The following ZNF426 variants were observed in gnomAD, a reference collection of about 807,000 sequenced individuals.
The protein encoded by ZNF426 is zinc finger protein 426.
Under a neutral mutation model 24.0 loss-of-function variants are expected in ZNF426, and 23 were observed. The observed-to-expected ratio is 0.96, with a 90% CI of 0.69 to 1.36. The LOEUF (loss-of-function observed/expected upper bound fraction) is 1.36, where lower values mean the gene tolerates loss of function less well. ZNF426 is among the 40% of genes most tolerant of loss of function. The pLI is 0.00. For missense variants in ZNF426, 646 were observed against 658.4 expected (o/e 0.98, Z 0.21); for synonymous variants, 272 against 224.6 (o/e 1.21, Z -1.89).
intron 4 of ZNF426, 143 bp downstream of exon 4, chr19:9,535,045 C>T (rs1407739580): frequency 4.9e-6 from 3 of 609,936 alleles, no homozygotes; most frequent in Non-Finnish European, 8.4e-6. Flanking sequence ...TAGCACTGCA[C>T]TCCAGCCTGG....
rs1490426432 is a variant in ZNF426 at position 9,524,753 on chromosome 19, C to A, written c.*3627G>T. The A allele has an allele frequency of 2.2e-5, 3 of 136,470 alleles. No individual in the cohort carries two copies. The highest frequency in any genetic ancestry group is 8.2e-5 in the African/African-American group (3 of 36,758). The allele number at this position is 136,470 out of a possible 1,614,324, so 8.5% of individuals were successfully genotyped here. A position where few individuals can be genotyped will look rare whatever the true frequency, so the allele number is the denominator to read the frequency against. On this transcript the variant is annotated 3_prime_UTR_variant, in exon 8 of 8. Transcript: ENST00000253115. ...CCAAGATTGAGCCATTGCACTCCAG[C>A]CTGGGCAACAAGAGCAAAACTCTGC... is the stretch of plus-strand genomic sequence containing the variant.
chr19:9,529,593 C>A lies in ZNF426; in HGVS notation c.452G>T (p.Cys151Phe). The part of the protein sequence containing the change: ...NGRELCDCEQ[C>F]GEVFSEHSCL... The stretch of plus-strand genomic sequence containing the variant: ...TGAGTGTTCACTGAAGACTTCTCCA[C>A]ATTGCTCACAGTCACAGAGTTCCCT... The change falls in exon 8 of 8, where the codon TGT becomes TTT. Residue 151 changes from cysteine to phenylalanine, a missense_variant. Transcript: ENST00000253115. 4 of 1,605,088 alleles carry A rather than the reference C, an allele frequency of 2.5e-6. No homozygotes were observed. Among genetic ancestry groups the A allele is most frequent in the Non-Finnish European group, 3.4e-6 (4 of 1,179,428 alleles).
At chr19:9,537,236 G>GA (rs1365452764) in intron 2 of ZNF426, among the ~76,000 whole-genome samples, 4 of 152,004 alleles carry the variant, frequency 2.6e-5, no homozygotes, top group African/African-American at 9.7e-5. Flanking sequence ...GATAAACAGT[G>GA]AAAGTTCCGC....
rs1004989531 is a variant in ZNF426, at chr19:9,529,695, C to A, written c.409-59G>T. 73 of 1,462,942 alleles carry A rather than the reference C, an allele frequency of 5.0e-5. No homozygotes were observed. The Middle Eastern group carries it at 5.4e-4, about 11-fold the overall frequency. The allele number at this position is 1,462,942 out of a possible 1,614,324, so 90.6% of individuals were successfully genotyped here. A position where few individuals can be genotyped will look rare whatever the true frequency, so the allele number is the denominator to read the frequency against. ...TCTCAAACATATTAACAGAACATAC[C>A]CATCTGAAGCTAGAAACATTATAAT... is the stretch of plus-strand genomic sequence containing the variant. On this transcript the variant is annotated intron_variant, in intron 7 of 7. Transcript: ENST00000253115.
At chr19:9,530,543 C>T (rs1174512644) in intron 7 of ZNF426, among the ~76,000 whole-genome samples, 1 of 151,960 alleles carries the variant, frequency 6.6e-6, no homozygotes, top group Admixed American at 6.6e-5. Context: ...CAGAGGATCA[C>T]TTGAGCACAG....
Position 9,533,877 on chromosome 19 carries a change from G to A in ZNF426, c.207C>T (p.Asp69=), listed in dbSNP as rs760461524. ...GGTTCTTGTAGTTCTCCAGCATCAC[G>A]TCACTGTAGAGGCTTCTCTGAGTTG... ...LDSTQRSLYS[D]VMLENYKNLA... Residue 69 remains aspartate, a synonymous_variant, in exon 5 of 8, where the codon GAC becomes GAT. Transcript: ENST00000253115. 9.2e-5 allele frequency: 148 copies of A among 1,613,958 alleles called. No individual in the cohort carries two copies. In the East Asian group the frequency reaches 1.4e-3, roughly 15 times the overall value.
rs1409793686 is a variant in ZNF426, at chr19:9,525,243, C to T, written c.*3137G>A. 5 of 137,030 alleles carry T rather than the reference C, an allele frequency of 3.6e-5. No individual in the cohort carries two copies. The highest frequency in any genetic ancestry group is 1.1e-4 in the African/African-American group (4 of 35,698). The allele number at this position is 137,030 out of a possible 1,614,324, so 8.5% of individuals were successfully genotyped here. A position where few individuals can be genotyped will look rare whatever the true frequency, so the allele number is the denominator to read the frequency against. On this transcript the variant is annotated 3_prime_UTR_variant, in exon 8 of 8. Coordinates refer to ENST00000253115, the MANE Select transcript of ZNF426 (RefSeq NM_024106.3). ...CAGCCTGGGCGACAGAGCGAGACTC[C>T]GTCTCAAAAAAAATAAAAATAAAAA...
At chr19:9,536,124 T>C (rs768597555) in intron 3 of ZNF426, 84 bp downstream of exon 3, 43 of 1,580,190 alleles carry the variant, frequency 2.7e-5, no homozygotes, top group Non-Finnish European at 3.6e-5. Context: ...ATCAGCAACA[T>C]GACCAGCTGC....
intron 7 of ZNF426, among the ~76,000 whole-genome samples, chr19:9,530,492 G>A (rs2073866889): frequency 6.6e-6 from 1 of 151,306 alleles, no homozygotes; most frequent in Admixed American, 6.6e-5. Context: ...GCCAGATGTG[G>A]TGGCTCATGC....
chr19:9,534,046 A>G, intron 4 of ZNF426, 80 bp from the exon 5 acceptor site: 1 of 1,561,550 alleles, frequency 6.4e-7, no homozygotes, highest in Non-Finnish European at 8.6e-7. Flanking sequence ...AGGGGGACCC[A>G]ATGCCTATGC....
intron 6 of ZNF426, among the ~76,000 whole-genome samples, chr19:9,531,640 G>C (rs2073885286): frequency 6.6e-6 from 1 of 152,106 alleles, no homozygotes; most frequent in East Asian, 1.9e-4. Flanking sequence ...AGTGAATAGA[G>C]AGAATCAGGG....
chr19:9,535,425 C>A (rs1472874359), intron 3 of ZNF426, 146 bp from the exon 4 acceptor site: 1 of 571,018 alleles, frequency 1.8e-6, no homozygotes, highest in African/African-American at 1.9e-5. Flanking sequence ...CAGTGGCTCA[C>A]ATCTGTAATC....
At chr19:9,535,147 G>C in intron 4 of ZNF426, 41 bp downstream of exon 4, 1 of 1,466,374 alleles carries the variant, frequency 6.8e-7, no homozygotes, top group Non-Finnish European at 9.4e-7. Flanking sequence ...CCTGGTGGAT[G>C]CAAGTATGTC....
Position 9,528,633 on chromosome 19 carries a change from G to T in ZNF426, c.1412C>A (p.Thr471Asn). 1 of 1,614,086 alleles carries T rather than the reference G, an allele frequency of 6.2e-7. No homozygotes were observed. The highest frequency in any genetic ancestry group is 8.5e-7 in the Non-Finnish European group (1 of 1,180,010). The change falls in exon 8 of 8, where the codon ACT becomes AAT. Residue 471 changes from threonine to asparagine, a missense_variant. By Grantham distance (65) the Thr-to-Asn change is moderately conservative (BLOSUM62 0). Transcript: ENST00000253115. ...TTTACACTCATAGGGTTTTTCTCCAGTGTGGATTCGCATGTGAATTTTAAG... is the reference window on the plus strand; with the variant it reads ...TTTACACTCATAGGGTTTTTCTCCATTGTGGATTCGCATGTGAATTTTAAG... ...THLKIHMRIH[T>N]GEKPYECKQC...
Position 9,527,870 on chromosome 19 carries a change from T to G in ZNF426, c.*510A>C, listed in dbSNP as rs2073813505. ...CTTTGGCTTGCAGATGGCCATCATC[T>G]GATGACTTCACATCATCTTCTATTT... is the stretch of plus-strand genomic sequence containing the variant. On this transcript the variant is annotated 3_prime_UTR_variant, in exon 8 of 8. Coordinates refer to ENST00000253115, the MANE Select transcript of ZNF426 (RefSeq NM_024106.3). 6.5e-6 allele frequency: 1 copy of G among 152,922 alleles called. No individual in the cohort carries two copies. The highest frequency in any genetic ancestry group is 1.5e-5 in the Non-Finnish European group (1 of 68,556). The allele number at this position is 152,922 out of a possible 1,614,324, so 9.5% of individuals were successfully genotyped here.
rs2073825461 is a variant in ZNF426 at position 9,528,501 on chromosome 19, C to CA, written c.1543dup (p.Cys515LeufsTer6). The CA allele has an allele frequency of 6.2e-7, 1 of 1,613,960 alleles. No homozygotes were observed. The highest frequency in any genetic ancestry group is 1.3e-5 in the African/African-American group (1 of 74,886). ...TTCATGAATTCTAAAGGAACTGGAA[C>CA]ACGTGAAGGCTTTCCCACACTCCTT... On this transcript the variant is annotated frameshift_variant, in exon 8 of 8. Transcript: ENST00000253115. LOFTEE classifies it low-confidence loss of function (END_TRUNC).
chr19:9,537,291 C>A (rs576108214), intron 2 of ZNF426, among the ~76,000 whole-genome samples: 1 of 152,164 alleles, frequency 6.6e-6, no homozygotes, highest in South Asian at 2.1e-4. Flanking sequence ...CTATAGGCCT[C>A]CTTCTACCAA....
At position 9,528,978 on chromosome 19, in the gene ZNF426, C is replaced by A; in HGVS notation, c.1067G>T (p.Arg356Leu). The A allele has an allele frequency of 1.2e-6, 2 of 1,613,826 alleles. No homozygotes were observed. Among genetic ancestry groups the A allele is most frequent in the South Asian group, 1.1e-5 (1 of 91,046 alleles). Residue 356 changes from arginine to leucine, a missense_variant, in exon 8 of 8, where the codon CGA (arginine) becomes CTA (leucine). Physicochemically the swap from Arg to Leu is moderately radical, Grantham distance 102. Transcript: ENST00000253115. ...ATAGGGCTTGTCTCCACTGTGAGAT[C>A]GTACATGCATACTAAGGCCCGAGTA... is the stretch of plus-strand genomic sequence containing the variant. Reference protein sequence around the residue: ...TQYSGLSMHVRSHSGDKPYEC... With the variant: ...TQYSGLSMHVLSHSGDKPYEC...
At position 9,538,291 on chromosome 19, in the gene ZNF426, C is replaced by G. The variant is rs776830601; in HGVS notation, c.-157G>C. ...CTCAGAAATCGCCAGGTCCCTGAAC[C>G]GGGAAGATCCTGGGGACGGAGCCAA... On this transcript the variant is annotated 5_prime_UTR_variant, in exon 2 of 8. Transcript: ENST00000253115. 3 of 152,190 alleles carry G rather than the reference C, an allele frequency of 2.0e-5. No homozygotes were observed. The highest frequency in any genetic ancestry group is 7.2e-5 in the African/African-American group (3 of 41,450). The allele number at this position is 152,190 out of a possible 1,614,324, so 9.4% of individuals were successfully genotyped here. A position where few individuals can be genotyped will look rare whatever the true frequency, so the allele number is the denominator to read the frequency against.
Sources: gnomAD v4.1 joint callset for allele counts (sites outside exome capture counted in the v4.1 genomes callset) on GRCh38, gnomAD v4.1.1 for gene constraint, MANE v1.5 for transcripts, NCBI Gene and HGNC (gene_info 2026-07-23, HGNC 2026-07-21) for gene names.